Variants in DTNB observed in about 807,000 individuals in gnomAD.
DTNB encodes dystrobrevin beta.
Under a neutral mutation model 90.7 loss-of-function variants are expected in DTNB, and 63 were observed. That is an observed-to-expected ratio of 0.69 (90% confidence interval 0.57 to 0.86). The LOEUF (loss-of-function observed/expected upper bound fraction) is 0.86. DTNB is among the 40% of genes least tolerant of loss of function. The probability of loss-of-function intolerance (pLI) is 0.00; values close to 1 mark genes in which losing one functional copy is unlikely to be tolerated. For synonymous variants in DTNB, 277 were observed against 286.7 expected (o/e 0.97, Z 0.34); for missense variants, 744 against 807.1 (o/e 0.92, Z 0.95).
chr2:25,570,889 T>C (rs1189112987), intron 8 of DTNB, among the ~76,000 whole-genome samples: 1 of 152,232 alleles, frequency 6.6e-6, no homozygotes, highest in East Asian at 1.9e-4. Flanking sequence ...CCCAGATTTA[T>C]ACTTCTATCT....
intron 8 of DTNB, among the ~76,000 whole-genome samples, chr2:25,570,568 C>T (rs1012212828): frequency 1.3e-5 from 2 of 152,166 alleles, no homozygotes; most frequent in Admixed American, 6.5e-5. Context: ...GTTCTCCAGA[C>T]AATCTCCACA....
intron 12 of DTNB, among the ~76,000 whole-genome samples, chr2:25,447,499 C>CTTTT (rs34508984): frequency 9.5e-5 from 11 of 116,022 alleles, no homozygotes; most frequent in Non-Finnish European, 1.4e-4. Flanking sequence ...AGCTAGTTAT[C>CTTTT]TTTTTTTTTT....
intron 2 of DTNB, among the ~76,000 whole-genome samples, chr2:25,651,068 A>G (rs1232565933): frequency 1.3e-5 from 2 of 152,270 alleles, no homozygotes; most frequent in Non-Finnish European, 2.9e-5. Context: ...AGAAGGGATC[A>G]GGAAATTATT....
chr2:25,619,894 G>A (rs939691439), intron 4 of DTNB, among the ~76,000 whole-genome samples: 2 of 152,052 alleles, frequency 1.3e-5, no homozygotes, highest in African/African-American at 4.8e-5. Flanking sequence ...ACAAAAATTA[G>A]CCAGGCGTGG....
At position 25,531,506 on chromosome 2, in the gene DTNB, T is replaced by A. The variant is rs1243007671; in HGVS notation, c.968A>T (p.Gln323Leu). ...REPPHPVFPE[Q>L]PEKPLDLAHI... ...TGCAAGGTCAAGTGGTTTCTCTGGT[T>A]GCTCAGGAAAAACAGGATGCGGGGG... The change falls in exon 9 of 21, where the codon CAA (glutamine) becomes CTA (leucine). Residue 323 changes from glutamine to leucine, a missense_variant. Gln to Leu is a moderately radical substitution (Grantham distance 113). Coordinates refer to ENST00000406818, the MANE Select transcript of DTNB (RefSeq NM_021907.5). The A allele has an allele frequency of 6.2e-7, 1 of 1,613,862 alleles. No individual in the cohort carries two copies. The highest frequency in any genetic ancestry group is 8.5e-7 in the Non-Finnish European group (1 of 1,179,878).
rs10173433 is a variant in DTNB, at chr2:25,541,353, G to A, written c.877-9756C>T. On this transcript the variant is annotated intron_variant, in intron 8 of 20. Transcript: ENST00000406818. ...AAATTAGCTGGGCGTGGTGGTGGGC[G>A]CACCTGTAATCCCAGCTACTTGGGA... is the stretch of plus-strand genomic sequence containing the variant. Among the ~76,000 whole-genome samples, 1,300 of 152,046 alleles carry A rather than the reference G, an allele frequency of 8.6e-3. 20 individuals are homozygous for A. Among genetic ancestry groups the A allele is most frequent in the African/African-American group, 0.029 (1,192 of 41,472 alleles).
rs1279488919 is a variant in DTNB at position 25,639,100 on chromosome 2, A to G, written c.68-6T>C. 4.5e-6 allele frequency: 7 copies of G among 1,569,356 alleles called. No homozygotes were observed. The African/African-American group carries it at 5.4e-5, about 12-fold the overall frequency. On this transcript the variant is annotated splice_region_variant and splice_polypyrimidine_tract_variant and intron_variant, in intron 2 of 20. Coordinates refer to ENST00000406818, the MANE Select transcript of DTNB (RefSeq NM_021907.5). ...GACATCAAAATTCTGAGCACCTGAAAAAAGGCAAACAGAAATGCTCAACTA... is the reference window on the plus strand; with the variant it reads ...GACATCAAAATTCTGAGCACCTGAAGAAAGGCAAACAGAAATGCTCAACTA...
At chr2:25,531,619 T>C (rs1380555099) in intron 8 of DTNB, 22 bp from the exon 9 acceptor site, 12 of 1,611,878 alleles carry the variant, frequency 7.4e-6, no homozygotes, top group Non-Finnish European at 9.3e-6. Context: ...CAGAAAATAG[T>C]AAGGAATTAA....
intron 6 of DTNB, among the ~76,000 whole-genome samples, chr2:25,587,587 CG>C (rs954774624): frequency 4.6e-5 from 7 of 151,978 alleles, no homozygotes; most frequent in Non-Finnish European, 8.8e-5. Context: ...AGTGGGGAAG[CG>C]GGGGGAAGGG....
intron 9 of DTNB, among the ~76,000 whole-genome samples, chr2:25,483,840 G>A (rs948120947): frequency 1.3e-5 from 2 of 152,202 alleles, no homozygotes; most frequent in African/African-American, 4.8e-5. Flanking sequence ...GTACAGTCAT[G>A]TGCCACACAA....
chr2:25,407,870 C>T (rs1023444028), intron 16 of DTNB, among the ~76,000 whole-genome samples: 2 of 152,180 alleles, frequency 1.3e-5, no homozygotes, highest in Non-Finnish European at 2.9e-5. Flanking sequence ...GAATTCACCA[C>T]TAAATCACTC....
chr2:25,660,447 T>C (rs139922395), intron 1 of DTNB, among the ~76,000 whole-genome samples: 1,562 of 152,184 alleles, frequency 0.01, 31 homozygotes, highest in African/African-American at 0.035. Flanking sequence ...GGAAGGTGAA[T>C]AGGGAGTAAC....
intron 9 of DTNB, among the ~76,000 whole-genome samples, chr2:25,495,435 A>G (rs1478421516): frequency 6.6e-6 from 1 of 152,166 alleles, no homozygotes; most frequent in Non-Finnish European, 1.5e-5. Flanking sequence ...GTGGACCCTT[A>G]AGTGAAAACA....
chr2:25,658,265 A>G (rs2082462859), intron 1 of DTNB, among the ~76,000 whole-genome samples: 1 of 151,892 alleles, frequency 6.6e-6, no homozygotes, highest in Non-Finnish European at 1.5e-5. Flanking sequence ...TCAAAAAAAA[A>G]AAAAAAGAAA....
chr2:25,646,621 A>G (rs550940300), intron 2 of DTNB, among the ~76,000 whole-genome samples: 69 of 152,284 alleles, frequency 4.5e-4, no homozygotes, highest in African/African-American at 1.7e-3. Flanking sequence ...TCTTTGGATA[A>G]ACTCAATCAA....
chr2:25,536,619 C>T (rs558893047), intron 8 of DTNB, among the ~76,000 whole-genome samples: 6 of 151,560 alleles, frequency 4.0e-5, no homozygotes, highest in East Asian at 1.9e-4. Flanking sequence ...AGAGAATCAC[C>T]GGAGCCCGAG....
At chr2:25,611,424 T>C (rs547976558) in intron 4 of DTNB, among the ~76,000 whole-genome samples, 2 of 152,280 alleles carry the variant, frequency 1.3e-5, no homozygotes, top group East Asian at 1.9e-4. Context: ...AAGGATTATA[T>C]ACAATCAGCC....
chr2:25,411,679 G>A (rs879479875), intron 16 of DTNB, among the ~76,000 whole-genome samples: 2 of 152,286 alleles, frequency 1.3e-5, no homozygotes, highest in South Asian at 2.1e-4. Context: ...TGGTGCCTGA[G>A]GCCCGGGATA....
chr2:25,566,273 T>G (rs2059016905), intron 8 of DTNB, among the ~76,000 whole-genome samples: 1 of 152,278 alleles, frequency 6.6e-6, no homozygotes, highest in East Asian at 1.9e-4. Flanking sequence ...AATGGGGACC[T>G]CAGCACCACA....
Sources: gnomAD v4.1 joint callset for allele counts (sites outside exome capture counted in the v4.1 genomes callset) on GRCh38, gnomAD v4.1.1 for gene constraint, MANE v1.5 for transcripts, NCBI Gene and HGNC (gene_info 2026-07-23, HGNC 2026-07-21) for gene names.